The following MATCAP2 variants were observed in gnomAD, a reference collection of about 807,000 sequenced individuals.
The protein encoded by MATCAP2 is microtubule associated tyrosine carboxypeptidase 2, also known as putative tyrosine carboxypeptidase MATCAP2.
At chr7:36,360,265 A>G in the MATCAP2 span, among the ~76,000 whole-genome samples, 4 of 152,180 alleles carry the variant, frequency 2.6e-5, no homozygotes, top group Admixed American at 6.5e-5. Flanking sequence ...CTCCAAATTC[A>G]TAATTTTGTG....
the MATCAP2 span, chr7:36,389,739 A>AC: frequency 2.8e-6 from 1 of 360,380 alleles, no homozygotes; most frequent in East Asian, 4.8e-5. Flanking sequence ...GCCCCTGGGA[A>AC]CCACCCGGCC....
At chr7:36,350,532 CTTTTTTT>C in the MATCAP2 span, among the ~76,000 whole-genome samples, 2 of 117,674 alleles carry the variant, frequency 1.7e-5, no homozygotes, top group South Asian at 6.2e-4. Flanking sequence ...GACTGTGTTC[CTTTTTTT>C]TTTTTTTTTT....
chr7:36,366,705 GATA>G, the MATCAP2 span: 6 of 1,535,192 alleles, frequency 3.9e-6, no homozygotes, highest in South Asian at 1.2e-5. Context: ...GGTACTTACT[GATA>G]ATAAGTGACG....
chr7:36,375,331 C>A, the MATCAP2 span, among the ~76,000 whole-genome samples: 2 of 152,162 alleles, frequency 1.3e-5, no homozygotes, highest in Non-Finnish European at 2.9e-5. Context: ...GCCTTTTCTG[C>A]ATCTATTGAG....
At chr7:36,341,650 C>G in the MATCAP2 span, among the ~76,000 whole-genome samples, 1 of 152,160 alleles carries the variant, frequency 6.6e-6, no homozygotes, top group Non-Finnish European at 1.5e-5. Context: ...TGCCTGTAAT[C>G]CCAGCACCTT....
chr7:36,357,084 C>A, the MATCAP2 span: 1 of 1,614,094 alleles, frequency 6.2e-7, no homozygotes, highest in Non-Finnish European at 8.5e-7. Flanking sequence ...GAAAAGTCAT[C>A]TCCCTTTTCA....
the MATCAP2 span, among the ~76,000 whole-genome samples, chr7:36,359,433 G>A: frequency 6.6e-6 from 1 of 152,190 alleles, no homozygotes; most frequent in East Asian, 1.9e-4. Flanking sequence ...AGGGTAAAGA[G>A]ACAGTACTAA....
chr7:36,350,781 C>A, the MATCAP2 span, among the ~76,000 whole-genome samples: 1 of 152,100 alleles, frequency 6.6e-6, no homozygotes, highest in African/African-American at 2.4e-5. Flanking sequence ...AGCCACCATG[C>A]CCAGCCTCAG....
chr7:36,341,492 AT>A, the MATCAP2 span, among the ~76,000 whole-genome samples: 1 of 152,144 alleles, frequency 6.6e-6, no homozygotes. Flanking sequence ...CCCCACCCAC[AT>A]TCTTATTTTG....
At chr7:36,336,753 A>G in the MATCAP2 span, among the ~76,000 whole-genome samples, 1 of 152,110 alleles carries the variant, frequency 6.6e-6, no homozygotes, top group Non-Finnish European at 1.5e-5. Context: ...ATAAGAATCA[A>G]TCAGTCTGAC....
At chr7:36,327,894 T>C in the MATCAP2 span, among the ~76,000 whole-genome samples, 4 of 152,230 alleles carry the variant, frequency 2.6e-5, no homozygotes, top group Non-Finnish European at 5.9e-5. Context: ...CCTATTTCTC[T>C]TTAATTTAGG....
At chr7:36,325,651 GGT>G in the MATCAP2 span, 1 of 152,044 alleles carries the variant, frequency 6.6e-6, no homozygotes, top group Non-Finnish European at 1.5e-5. Flanking sequence ...TTTGAATCCA[GGT>G]ATATATATAC....
the MATCAP2 span, chr7:36,366,885 C>A: frequency 6.8e-7 from 1 of 1,472,942 alleles, no homozygotes; most frequent in Admixed American, 2.6e-5. Context: ...GCCCCGCACC[C>A]CCGCCGCGGC....
At chr7:36,351,161 C>T in the MATCAP2 span, among the ~76,000 whole-genome samples, 84 of 152,138 alleles carry the variant, frequency 5.5e-4, no homozygotes, top group Non-Finnish European at 1.0e-3. Flanking sequence ...TTTGGGAGGC[C>T]AAGGTGGGTG....
the MATCAP2 span, among the ~76,000 whole-genome samples, chr7:36,361,343 G>C: frequency 6.6e-6 from 1 of 152,292 alleles, no homozygotes; most frequent in Admixed American, 6.5e-5. Flanking sequence ...AGGTTTCATA[G>C]TAATCAGGAG....
At chr7:36,385,200 C>T in the MATCAP2 span, among the ~76,000 whole-genome samples, 1 of 152,332 alleles carries the variant, frequency 6.6e-6, no homozygotes, top group South Asian at 2.1e-4. Flanking sequence ...ATACCATGCT[C>T]ATAAATGGGT....
chr7:36,372,454 A>AGGAGGAATGT, the MATCAP2 span, among the ~76,000 whole-genome samples: 2 of 152,252 alleles, frequency 1.3e-5, no homozygotes, highest in Non-Finnish European at 2.9e-5. Context: ...CAGCATGTCT[A>AGGAGGAATGT]TATTCAGGAG....
chr7:36,367,247 C>CG, the MATCAP2 span: 4 of 1,092,368 alleles, frequency 3.7e-6, no homozygotes, highest in Non-Finnish European at 4.4e-6. Context: ...AAACTGCCCC[C>CG]GGGGTCCGCG....
the MATCAP2 span, chr7:36,356,675 C>G: frequency 1.0e-5 from 6 of 584,404 alleles, no homozygotes; most frequent in African/African-American, 9.3e-5. Context: ...ATAATTGCTT[C>G]CTGTCACAAA....
Sources: gnomAD v4.1 joint callset for allele counts (sites outside exome capture counted in the v4.1 genomes callset) on GRCh38, gnomAD v4.1.1 for gene constraint, MANE v1.5 for transcripts, NCBI Gene and HGNC (gene_info 2026-07-23, HGNC 2026-07-21) for gene names.